The following METTL8 variants were observed in gnomAD, a reference collection of about 807,000 sequenced individuals.
METTL8 encodes methyltransferase 8, tRNA N3-cytidine, also known as tRNA N(3)-cytidine methyltransferase METTL8, mitochondrial.
In METTL8, 32 loss-of-function variants were observed where a neutral mutation model predicts 48.7. The observed-to-expected ratio is 0.66, with a 90% CI of 0.50 to 0.88. The LOEUF is 0.88. Among genes scored for constraint, METTL8 ranks in the 40% least tolerant of loss-of-function variants. The pLI, the probability that METTL8 is intolerant of heterozygous loss-of-function variation, is 0.00. For synonymous variants in METTL8, 136 were observed against 157.1 expected (o/e 0.87, Z 1.01); for missense variants, 464 against 474.4 (o/e 0.98, Z 0.20).
intron 2 of METTL8, among the ~76,000 whole-genome samples, chr2:171,384,187 G>A (rs1349893822): frequency 1.3e-5 from 2 of 152,190 alleles, no homozygotes; most frequent in African/African-American, 4.8e-5. Flanking sequence ...ATAAAAGGTC[G>A]CATTGTATGA....
At chr2:171,352,955 T>G (rs1684106815) in intron 3 of METTL8, among the ~76,000 whole-genome samples, 1 of 152,236 alleles carries the variant, frequency 6.6e-6, no homozygotes, top group South Asian at 2.1e-4. Context: ...GGGTTTTTTG[T>G]GTCTCTATCT....
At chr2:171,434,610 CCGG>C (rs1693678133), upstream of METTL8, 1 of 1,528,892 alleles carries the variant, frequency 6.5e-7, no homozygotes, top group Non-Finnish European at 8.7e-7. Flanking sequence ...ACGTGTGCAG[CCGG>C]CTGAGTCGCC....
chr2:171,420,339 G>T (rs1182644651), intron 1 of METTL8, among the ~76,000 whole-genome samples: 1 of 152,194 alleles, frequency 6.6e-6, no homozygotes, highest in Non-Finnish European at 1.5e-5. Context: ...CTTTTCAGTA[G>T]AGAGTGGCAT....
At chr2:171,380,173 A>G (rs917999415) in intron 2 of METTL8, among the ~76,000 whole-genome samples, 3 of 152,224 alleles carry the variant, frequency 2.0e-5, no homozygotes, top group African/African-American at 7.2e-5. Flanking sequence ...ATAGATGCAG[A>G]AAAGGCCTTC....
intron 1 of METTL8, among the ~76,000 whole-genome samples, chr2:171,414,410 T>G (rs955043928): frequency 7.7e-6 from 1 of 130,412 alleles, no homozygotes; most frequent in Admixed American, 7.7e-5. Context: ...AGAGCGAAAC[T>G]CCGTCTCAAA....
At chr2:171,380,382 T>C (rs189492344) in intron 2 of METTL8, among the ~76,000 whole-genome samples, 2 of 152,278 alleles carry the variant, frequency 1.3e-5, no homozygotes, top group Non-Finnish European at 2.9e-5. Flanking sequence ...CAACATAGTA[T>C]TGGAAGTGCT....
At chr2:171,390,771 T>C (rs1178007) in intron 2 of METTL8, among the ~76,000 whole-genome samples, 152,095 of 152,342 alleles carry the variant, frequency 1, 75,924 homozygotes, top group Middle Eastern at 1. Context: ...GGAATCTACT[T>C]GGGGTGAAGA....
At position 171,324,198 on chromosome 2, in the gene METTL8, C is replaced by T. The variant is rs761975897; in HGVS notation, c.1198G>A (p.Val400Ile). The change falls in exon 10 of 10, where the codon GTA becomes ATA. Residue 400 changes from valine (V) to isoleucine (I), a missense_variant. Coordinates refer to ENST00000375258, the MANE Select transcript of METTL8 (RefSeq NM_001321154.2). ...LHQTQNSSNM[V>I]STLLSQD ...CAGTCTTGTGAAAGGAGTGTAGATA[C>T]CATATTGGAGCTATTCTGAGTCTGG... 37 of 1,545,380 alleles carry T rather than the reference C, an allele frequency of 2.4e-5. 2 individuals are homozygous for T. The Middle Eastern group carries it at 2.8e-3, about 119-fold the overall frequency.
chr2:171,434,433 G>A, upstream of METTL8: 1 of 1,418,678 alleles, frequency 7.0e-7, no homozygotes, highest in South Asian at 1.2e-5. Flanking sequence ...GGTGCTCCCT[G>A]CCCGCCTCCC....
At chr2:171,366,818 CGGGAA>C (rs1224713188) in intron 2 of METTL8, among the ~76,000 whole-genome samples, 1 of 145,604 alleles carries the variant, frequency 6.9e-6, no homozygotes, top group African/African-American at 2.6e-5. Context: ...CGCTTGAGTA[CGGGAA>C]GTTGAGGTTA....
intron 3 of METTL8, among the ~76,000 whole-genome samples, chr2:171,353,636 T>C (rs999628005): frequency 4.6e-5 from 7 of 152,302 alleles, no homozygotes; most frequent in African/African-American, 1.4e-4. Flanking sequence ...CTTTATGAAT[T>C]TGGGTGCTCC....
intron 1 of METTL8, chr2:171,433,127 G>C (rs992365143): frequency 6.6e-6 from 1 of 152,212 alleles, no homozygotes; most frequent in Non-Finnish European, 1.5e-5. Context: ...TTCCATCGCA[G>C]GGAGCACTCA....
chr2:171,351,258 A>C (rs181154322), intron 3 of METTL8, among the ~76,000 whole-genome samples: 3 of 152,194 alleles, frequency 2.0e-5, no homozygotes, highest in Admixed American at 6.5e-5. Flanking sequence ...GGTTTGTCAA[A>C]GATCAGATGG....
chr2:171,315,828 A>G lies in METTL8; in HGVS notation c.*8344T>C, dbSNP rs555004322. On this transcript the variant is annotated 3_prime_UTR_variant, in exon 10 of 10. Transcript: ENST00000375258. ...AAGATTTACAAAACTTACATGAAATAAGAAAATGTTCAACTATGTAATAAC... is the reference window on the plus strand; with the variant it reads ...AAGATTTACAAAACTTACATGAAATGAGAAAATGTTCAACTATGTAATAAC... Among the ~76,000 whole-genome samples the G allele has an allele frequency of 1.3e-5, 2 of 152,356 alleles. No homozygotes were observed. The highest frequency in any genetic ancestry group is 3.9e-4 in the East Asian group (2 of 5,186).
chr2:171,336,129 CACTGTTGCCT>C (rs1309395431), intron 5 of METTL8, among the ~76,000 whole-genome samples: 1 of 151,792 alleles, frequency 6.6e-6, no homozygotes, highest in African/African-American at 2.4e-5. Context: ...CAAAGTTTCG[CACTGTTGCCT>C]GGGCTGGAGT....
At chr2:171,350,232 G>C (rs1032947399) in intron 3 of METTL8, among the ~76,000 whole-genome samples, 4 of 152,046 alleles carry the variant, frequency 2.6e-5, no homozygotes, top group African/African-American at 9.7e-5. Context: ...CTGTCCTCGC[G>C]ACAGTTTGCT....
intron 2 of METTL8, among the ~76,000 whole-genome samples, chr2:171,361,203 C>CATT (rs1685128414): frequency 6.6e-6 from 1 of 150,792 alleles, no homozygotes; most frequent in Non-Finnish European, 1.5e-5. Context: ...GAAGCGACAA[C>CATT]TGTATACAAG....
At chr2:171,354,953 CCTT>C (rs1442831248) in intron 3 of METTL8, among the ~76,000 whole-genome samples, 13 of 152,266 alleles carry the variant, frequency 8.5e-5, no homozygotes, top group South Asian at 2.1e-4. Flanking sequence ...TCGTCTGAAG[CCTT>C]CTTCTCTCAA....
At chr2:171,433,613 C>T (rs572261839) in intron 1 of METTL8, among the ~76,000 whole-genome samples, 2 of 152,146 alleles carry the variant, frequency 1.3e-5, no homozygotes, top group South Asian at 4.2e-4. Context: ...TATCTTAGGC[C>T]GTCCAATAAG....
Sources: gnomAD v4.1 joint callset for allele counts (sites outside exome capture counted in the v4.1 genomes callset) on GRCh38, gnomAD v4.1.1 for gene constraint, MANE v1.5 for transcripts, NCBI Gene and HGNC (gene_info 2026-07-23, HGNC 2026-07-21) for gene names.